LAMTOR4: variants seen among roughly 807,000 people sequenced by gnomAD.
LAMTOR4 encodes the protein late endosomal/lysosomal adaptor, MAPK and MTOR activator 4, also known as ragulator complex protein LAMTOR4.
Under a neutral mutation model 13.5 loss-of-function variants are expected in LAMTOR4, and 11 were observed. The ratio of observed to expected loss-of-function variants is 0.82; its 90% CI spans 0.51 to 1.35. The LOEUF (loss-of-function observed/expected upper bound fraction) is 1.35, where lower values mean the gene tolerates loss of function less well. Ranked by LOEUF, LAMTOR4 falls within the 40% of genes most tolerant of loss-of-function variation. The probability of loss-of-function intolerance (pLI) is 0.00; values close to 1 mark genes in which losing one functional copy is unlikely to be tolerated. For missense variants in LAMTOR4, 128 were observed against 126.2 expected (o/e 1.01, Z -0.07); for synonymous variants, 69 against 52.3 (o/e 1.32, Z -1.38).
At chr7:100,150,640 G>A (rs1303578151) in intron 2 of LAMTOR4, among the ~76,000 whole-genome samples, 1 of 152,156 alleles carries the variant, frequency 6.6e-6, no homozygotes, top group African/African-American at 2.4e-5. Context: ...TGAGGTGGTT[G>A]AGCAATATTG....
intron 1 of LAMTOR4, chr7:100,149,223 G>A: frequency 1.6e-6 from 1 of 612,944 alleles, no homozygotes; most frequent in Non-Finnish European, 2.9e-6. Flanking sequence ...GAGGGTCTGG[G>A]GGCAGGGGCC....
rs767168438 is a variant in LAMTOR4 at position 100,149,501 on chromosome 7, T to C, written c.6T>C (p.Thr2=). M[T]SALTQGLERI... is the part of the protein sequence containing the mutation. ...CGACTTGCATCTTTACCCACTAGAC[T>C]TCTGCGCTGACCCAGGGGCTGGAGC... The change falls in exon 2 of 4, where the codon ACT becomes ACC. Residue 2 remains threonine, a splice_region_variant and synonymous_variant. Transcript: ENST00000341942. 1 of 1,612,086 alleles carries C rather than the reference T, an allele frequency of 6.2e-7. No individual in the cohort carries two copies. Among genetic ancestry groups the C allele is most frequent in the African/African-American group, 1.3e-5 (1 of 74,982 alleles).
At chr7:100,149,051 C>G (rs1281056456) in intron 1 of LAMTOR4, 76 bp downstream of exon 1, 6 of 1,546,802 alleles carry the variant, frequency 3.9e-6, no homozygotes, top group East Asian at 2.3e-5. Context: ...TGGTTTCCCC[C>G]TGGTGGGCCT....
chr7:100,153,378 T>C (rs1167848051), intron 2 of LAMTOR4, 22 bp from the exon 3 acceptor site: 1 of 1,544,840 alleles, frequency 6.5e-7, no homozygotes, highest in South Asian at 1.1e-5. Flanking sequence ...CCCGCCCCTC[T>C]CCCTCCTCCG....
Position 100,153,917 on chromosome 7 carries a change from T to G in LAMTOR4, c.253T>G (p.Phe85Val). The G allele has an allele frequency of 3.1e-6, 5 of 1,596,066 alleles. No individual in the cohort carries two copies. Among genetic ancestry groups the G allele is most frequent in the Non-Finnish European group, 4.3e-6 (5 of 1,172,096 alleles). The change falls in exon 4 of 4, where the codon TTT (phenylalanine) becomes GTT (valine). Residue 85 changes from phenylalanine (F) to valine (V), a missense_variant. Transcript: ENST00000341942. ...LLVTVSGQRVFVVKRQNRGRE... is the reference protein window; with the variant it reads ...LLVTVSGQRVVVVKRQNRGRE... The stretch of plus-strand genomic sequence containing the variant: ...GGTGACGGTGTCAGGACAGAGGGTG[T>G]TTGTGGTGAAGAGGCAGAACCGAGG...
At chr7:100,149,102 G>T in intron 1 of LAMTOR4, 127 bp downstream of exon 1, 1 of 1,270,984 alleles carries the variant, frequency 7.9e-7, no homozygotes, top group Non-Finnish European at 1.1e-6. Context: ...GGAGGAAGAG[G>T]GGATGGAAAT....
chr7:100,153,811 T>C (rs551428204), intron 3 of LAMTOR4, 56 bp from the exon 4 acceptor site: 337 of 1,287,512 alleles, frequency 2.6e-4, no homozygotes, highest in Non-Finnish European at 3.4e-4. Flanking sequence ...TTGCACCCAC[T>C]AACTCTGTGC....
Position 100,154,130 on chromosome 7 carries a change from A to G in LAMTOR4, c.*166A>G. On this transcript the variant is annotated 3_prime_UTR_variant, in exon 4 of 4. Transcript: ENST00000341942. ...AGGCTTGGGGACTCTGAGCTGTGTT[A>G]AGGAGAACAAGGGCAAGGAGACCTC... is the stretch of plus-strand genomic sequence containing the variant. 1.6e-6 allele frequency: 1 copy of G among 610,298 alleles called. No individual in the cohort carries two copies. The allele number at this position is 610,298 out of a possible 1,614,324, so 37.8% of individuals were successfully genotyped here. A position where few individuals can be genotyped will look rare whatever the true frequency, so the allele number is the denominator to read the frequency against.
In LAMTOR4 at chr7:100,153,428, A is replaced by C. The variant is rs1023123558; in HGVS notation, c.113A>C (p.Gln38Pro). The C allele has an allele frequency of 5.0e-6, 8 of 1,611,204 alleles. No individual in the cohort carries two copies. In the African/African-American group the frequency reaches 1.1e-4, roughly 22 times the overall value. The change falls in exon 3 of 4, where the codon CAG (glutamine) becomes CCG (proline). Residue 38 changes from glutamine (Q) to proline (P), a missense_variant. Transcript: ENST00000341942. ...ASSGDLENDE[Q>P]AASAISELVS... ...TCTGGGGACCTGGAGAATGATGAGC[A>C]GGCAGCCAGTGCCATCTCTGAGCTG...
chr7:100,149,713 AGTTTT>A, intron 2 of LAMTOR4, 134 bp downstream of exon 2: 1 of 637,760 alleles, frequency 1.6e-6, no homozygotes, highest in Non-Finnish European at 2.8e-6. Context: ...AAGTATTTGC[AGTTTT>A]TGCAATTACT....
chr7:100,150,737 G>A (rs537083034), intron 2 of LAMTOR4, among the ~76,000 whole-genome samples: 4 of 152,222 alleles, frequency 2.6e-5, no homozygotes, highest in Admixed American at 1.3e-4. Context: ...TGTAATTCTA[G>A]CACTTTGGGA....
At chr7:100,153,375 CT>C (rs1329836365) in intron 2 of LAMTOR4, 24 bp from the exon 3 acceptor site, 10 of 1,529,266 alleles carry the variant, frequency 6.5e-6, no homozygotes, top group Non-Finnish European at 8.1e-6. Context: ...ATGCCCGCCC[CT>C]CTCCCTCCTC....
rs1241160993 is a variant in LAMTOR4, at chr7:100,153,479, T to C, written c.164T>C (p.Leu55Pro). The change falls in exon 3 of 4, where the codon CTG becomes CCG. Residue 55 changes from leucine (L) to proline (P), a missense_variant. Transcript: ENST00000341942. ...GTCAGCACAGCCTGCGGTTTCCGGC[T>C]GCACCGCGGCATGAATGTGCCCTTC... The part of the protein sequence containing the change: ...ELVSTACGFR[L>P]HRGMNVPFKR... 1 of 1,609,608 alleles carries C rather than the reference T, an allele frequency of 6.2e-7. No individual in the cohort carries two copies. The highest frequency in any genetic ancestry group is 8.5e-7 in the Non-Finnish European group (1 of 1,179,992).
chr7:100,152,941 G>A (rs1798748662), intron 2 of LAMTOR4, among the ~76,000 whole-genome samples: 1 of 152,012 alleles, frequency 6.6e-6, no homozygotes, highest in Non-Finnish European at 1.5e-5. Flanking sequence ...ATCATTTGAG[G>A]TCAAGAGTTT....
intron 2 of LAMTOR4, among the ~76,000 whole-genome samples, chr7:100,151,579 G>T (rs1423810234): frequency 6.6e-6 from 1 of 150,912 alleles, no homozygotes; most frequent in African/African-American, 2.4e-5. Context: ...TAGTAGAGAT[G>T]GGGTTTCACC....
chr7:100,153,224 C>T (rs754666997), intron 2 of LAMTOR4, among the ~76,000 whole-genome samples, 176 bp from the exon 3 acceptor site: 7 of 151,714 alleles, frequency 4.6e-5, no homozygotes, highest in South Asian at 2.1e-4. Flanking sequence ...GGATGGCATC[C>T]GGAGGGTGAC....
In LAMTOR4 at chr7:100,153,532, C is replaced by T; in HGVS notation, c.202+15C>T. 4 of 1,600,592 alleles carry T rather than the reference C, an allele frequency of 2.5e-6. No homozygotes were observed. The highest frequency in any genetic ancestry group is 4.5e-5 in the East Asian group (2 of 44,866). On this transcript the variant is annotated intron_variant, in intron 3 of 3. Transcript: ENST00000341942. Reference sequence around the variant, plus strand: ...GCGCCTGTCTGGTGAGCCCCTGCCCCTGCCCTTGGTGGTGGTACTGGGAGC... The same window carrying T: ...GCGCCTGTCTGGTGAGCCCCTGCCCTTGCCCTTGGTGGTGGTACTGGGAGC...
At chr7:100,149,071 C>CCTCA (rs1798615779) in intron 1 of LAMTOR4, 96 bp downstream of exon 1, 2 of 1,450,354 alleles carry the variant, frequency 1.4e-6, no homozygotes, top group Admixed American at 2.0e-5. Context: ...TGCGCTCCAC[C>CCTCA]CTCACCTCCT....
Position 100,153,975 on chromosome 7 carries a change from G to A in LAMTOR4, c.*11G>A. The stretch of plus-strand genomic sequence containing the variant: ...CCCATTGATGTCTGAGCCTGCCGGA[G>A]GGCGAGGGTCGGAGAAGCGGATTGG... On this transcript the variant is annotated 3_prime_UTR_variant, in exon 4 of 4. Coordinates refer to ENST00000341942, the MANE Select transcript of LAMTOR4 (RefSeq NM_001008395.4). The A allele has an allele frequency of 6.4e-7, 1 of 1,570,402 alleles. No individual in the cohort carries two copies. The highest frequency in any genetic ancestry group is 8.6e-7 in the Non-Finnish European group (1 of 1,156,822).
Sources: allele counts gnomAD v4.1 joint callset (sites outside exome capture counted in the v4.1 genomes callset), GRCh38; gene constraint gnomAD v4.1.1; transcripts MANE v1.5; gene names NCBI Gene and HGNC (gene_info 2026-07-23, HGNC 2026-07-21).